ACRV1: variants seen among roughly 807,000 people sequenced by gnomAD.
ACRV1 encodes acrosomal protein SP-10.
A neutral mutation model predicts 29.2 loss-of-function variants in ACRV1; 17 were observed. That is an observed-to-expected ratio of 0.58 (90% CI 0.40 to 0.87). The LOEUF (loss-of-function observed/expected upper bound fraction) is 0.87. Among genes scored for constraint, ACRV1 ranks in the 40% least tolerant of loss-of-function variants. ACRV1 has a pLI of 0.00. For synonymous variants in ACRV1, 98 were observed against 111.6 expected (o/e 0.88, Z 0.77); for missense variants, 294 against 316.0 (o/e 0.93, Z 0.53).
At position 125,672,308 on chromosome 11, in the gene ACRV1, A is replaced by G. The variant is rs1389163626; in HGVS notation, c.*285T>C. On this transcript the variant is annotated 3_prime_UTR_variant, in exon 4 of 4. Coordinates refer to ENST00000533904, the MANE Select transcript of ACRV1 (RefSeq NM_001612.6). Reference sequence around the variant, plus strand: ...GACCCTGCAACTAGATTAATGGGGGAAAAAAAGGTCTGTCTTGAGCCTGTG... The same window carrying G: ...GACCCTGCAACTAGATTAATGGGGGGAAAAAAGGTCTGTCTTGAGCCTGTG... 1.1e-5 allele frequency: 3 copies of G among 267,174 alleles called. No individual in the cohort carries two copies. The highest frequency in any genetic ancestry group is 1.6e-4 in the East Asian group (2 of 12,876). The allele number at this position is 267,174 out of a possible 1,614,324, so 16.6% of individuals were successfully genotyped here.
At position 125,678,147 on chromosome 11, in the gene ACRV1, T is replaced by C. The variant is rs1193653504; in HGVS notation, c.203A>G (p.His68Arg). 5 of 1,614,082 alleles carry C rather than the reference T, an allele frequency of 3.1e-6. No homozygotes were observed. The highest frequency in any genetic ancestry group is 4.2e-6 in the Non-Finnish European group (5 of 1,180,050). ...GCTTGAACCATGCTCACTGGAACCATGCTCACTTAAAGTGTTCAGGCCTGA... is the reference window on the plus strand; with the variant it reads ...GCTTGAACCATGCTCACTGGAACCACGCTCACTTAAAGTGTTCAGGCCTGA... The part of the protein sequence containing the change: ...TSSGLNTLSE[H>R]GSSEHGSSKH... Residue 68 changes from histidine (H) to arginine (R), a missense_variant, in exon 2 of 4, where the codon CAT (histidine) becomes CGT (arginine). Transcript: ENST00000533904.
chr11:125,678,042 T>A lies in ACRV1; in HGVS notation c.308A>T (p.His103Leu), dbSNP rs1942610490. The A allele has an allele frequency of 1.9e-6, 3 of 1,614,072 alleles. No individual in the cohort carries two copies. The highest frequency in any genetic ancestry group is 1.6e-4 in the Middle Eastern group (1 of 6,084). ...HASGEPAATE[H>L]AEGEHTVGEQ... ...ACCTACAGTATGCTCACCTTCAGCA[T>A]GTTCAGTCGCAGCGGGCTCACCTGA... The change falls in exon 2 of 4, where the codon CAT becomes CTT. Residue 103 changes from histidine (H) to leucine (L), a missense_variant. By Grantham distance (99) the His-to-Leu change is moderately conservative. Transcript: ENST00000533904.
chr11:125,673,402 C>G (rs4935924), intron 3 of ACRV1, among the ~76,000 whole-genome samples: 16,359 of 151,916 alleles, frequency 0.11, 1,170 homozygotes, highest in Admixed American at 0.23. Context: ...GGGGTTTCAC[C>G]ATGTTGGTCA....
chr11:125,678,978 T>TATATATATATATATATATATATATATATA (rs1555078666), intron 1 of ACRV1, among the ~76,000 whole-genome samples: 3 of 88,436 alleles, frequency 3.4e-5, no homozygotes, highest in African/African-American at 8.7e-5. Flanking sequence ...TCTAGGCATA[T>TATATATATATATATATATATATATATATA]TATATATATA....
At chr11:125,679,968 G>C (rs1942719905) in intron 1 of ACRV1, among the ~76,000 whole-genome samples, 1 of 152,106 alleles carries the variant, frequency 6.6e-6, no homozygotes, top group South Asian at 2.1e-4. Context: ...GATATAGAAA[G>C]GAGACATAAA....
chr11:125,678,978 T>TATATATA (rs1555078666), intron 1 of ACRV1, among the ~76,000 whole-genome samples: 29 of 88,438 alleles, frequency 3.3e-4, no homozygotes, highest in African/African-American at 1.1e-3. Context: ...TCTAGGCATA[T>TATATATA]TATATATATA....
intron 3 of ACRV1, among the ~76,000 whole-genome samples, chr11:125,674,433 C>T (rs1239566995): frequency 6.6e-6 from 1 of 152,144 alleles, no homozygotes; most frequent in South Asian, 2.1e-4. Flanking sequence ...CAGGCTGAAG[C>T]ATAACTGGAG....
intron 1 of ACRV1, among the ~76,000 whole-genome samples, chr11:125,679,929 AAC>A (rs1942718341): frequency 6.6e-6 from 1 of 152,170 alleles, no homozygotes; most frequent in Non-Finnish European, 1.5e-5. Flanking sequence ...TTCAATAATT[AAC>A]ACAAGTTTTG....
intron 1 of ACRV1, 114 bp downstream of exon 1, chr11:125,680,615 T>C: frequency 2.1e-6 from 2 of 941,842 alleles, no homozygotes; most frequent in South Asian, 1.5e-5. Context: ...CTGCTCTTGA[T>C]TCTGACTCAG....
chr11:125,672,670 A>G lies in ACRV1; in HGVS notation c.721T>C (p.Ser241Pro). The G allele has an allele frequency of 6.2e-7, 1 of 1,614,172 alleles. No individual in the cohort carries two copies. Among genetic ancestry groups the G allele is most frequent in the Non-Finnish European group, 8.5e-7 (1 of 1,180,028 alleles). The stretch of plus-strand genomic sequence containing the variant: ...GTTCCATGGGAGAAGAGGTTCATAG[A>G]TGGGCACATGTTCTCACACCCTTGA... The part of the protein sequence containing the change: ...MVQGCENMCP[S>P]MNLFSHGTRM... The change falls in exon 4 of 4, where the codon TCT becomes CCT. Residue 241 changes from serine to proline, a missense_variant. Transcript: ENST00000533904.
At chr11:125,676,882 G>A (rs1215246881) in intron 2 of ACRV1, among the ~76,000 whole-genome samples, 3 of 152,156 alleles carry the variant, frequency 2.0e-5, no homozygotes, top group Admixed American at 6.5e-5. Flanking sequence ...ATATTTGACC[G>A]ATTAATAAGC....
At position 125,676,475 on chromosome 11, in the gene ACRV1, G is replaced by A. The variant is rs201491308; in HGVS notation, c.557C>T (p.Thr186Ile). The A allele has an allele frequency of 6.8e-5, 110 of 1,614,064 alleles. No individual in the cohort carries two copies. In the East Asian group the frequency reaches 2.4e-3, roughly 35 times the overall value. Reference protein sequence around the residue: ...GAPISSTSTGTILNCYTCAYM... With the variant: ...GAPISSTSTGIILNCYTCAYM... ...AGCACATGTGTAGCAATTTAATATTGTGCCTGAAAATTTAAGATAAGCCTG... is the reference window on the plus strand; with the variant it reads ...AGCACATGTGTAGCAATTTAATATTATGCCTGAAAATTTAAGATAAGCCTG... The change falls in exon 3 of 4, where the codon ACA (threonine) becomes ATA (isoleucine). Residue 186 changes from threonine (T) to isoleucine (I), a missense_variant. By Grantham distance (89) the Thr-to-Ile change is moderately conservative. Transcript: ENST00000533904.
chr11:125,675,313 T>C (rs965954638), intron 3 of ACRV1, among the ~76,000 whole-genome samples: 30 of 152,364 alleles, frequency 2.0e-4, no homozygotes, highest in Admixed American at 8.5e-4. Context: ...ATATGTGCCT[T>C]TCTTAAGACA....
intron 3 of ACRV1, among the ~76,000 whole-genome samples, chr11:125,674,099 G>A (rs1030916369): frequency 1.3e-5 from 2 of 151,992 alleles, no homozygotes; most frequent in South Asian, 2.1e-4. Context: ...AGCTGAGATC[G>A]CGCCACTGCA....
At chr11:125,678,420 A>G in intron 1 of ACRV1, 123 bp from the exon 2 acceptor site, 1 of 1,141,316 alleles carries the variant, frequency 8.8e-7, no homozygotes, top group Admixed American at 2.5e-5. Flanking sequence ...TAGATTGGGC[A>G]CCTGAAGACT....
At chr11:125,677,769 G>A in intron 2 of ACRV1, 28 bp downstream of exon 2, 2 of 1,610,422 alleles carry the variant, frequency 1.2e-6, no homozygotes, top group Non-Finnish European at 1.7e-6. Context: ...TGAAGTCAAT[G>A]ACTGGCACCC....
chr11:125,677,338 G>C (rs1591438416), intron 2 of ACRV1, among the ~76,000 whole-genome samples: 1 of 152,164 alleles, frequency 6.6e-6, no homozygotes, highest in Non-Finnish European at 1.5e-5. Context: ...AAAGAAAATA[G>C]CTTTACATTC....
Position 125,676,647 on chromosome 11 carries a change from A to C in ACRV1, c.554-169T>G, listed in dbSNP as rs147435743. Among the ~76,000 whole-genome samples the C allele has an allele frequency of 3.3e-4, 50 of 152,142 alleles. No homozygotes were observed. In the East Asian group the frequency reaches 9.1e-3, roughly 28 times the overall value. ...TGTCTGATAGACCTGTGCCAGAGGA[A>C]ATTCCTTCATTCTTCTTCATCTCTG... On this transcript the variant is annotated intron_variant, in intron 2 of 3. Coordinates refer to ENST00000533904, the MANE Select transcript of ACRV1 (RefSeq NM_001612.6).
Position 125,672,654 on chromosome 11 carries a change from G to C in ACRV1, c.737C>G (p.Ser246Cys). Residue 246 changes from serine to cysteine, a missense_variant, in exon 4 of 4, where the codon TCC (serine) becomes TGC (cysteine). By Grantham distance (112) the Ser-to-Cys change is moderately radical. Coordinates refer to ENST00000533904, the MANE Select transcript of ACRV1 (RefSeq NM_001612.6). The part of the protein sequence containing the change: ...ENMCPSMNLF[S>C]HGTRMQIICC... Reference sequence around the variant, plus strand: ...TATAATTTGCATCCTCGTTCCATGGGAGAAGAGGTTCATAGATGGGCACAT... The same window carrying C: ...TATAATTTGCATCCTCGTTCCATGGCAGAAGAGGTTCATAGATGGGCACAT... 6.2e-7 allele frequency: 1 copy of C among 1,614,160 alleles called. No homozygotes were observed. Among genetic ancestry groups the C allele is most frequent in the Non-Finnish European group, 8.5e-7 (1 of 1,180,014 alleles).
Sources: gnomAD v4.1 joint callset for allele counts (sites outside exome capture counted in the v4.1 genomes callset) on GRCh38, gnomAD v4.1.1 for gene constraint, MANE v1.5 for transcripts, NCBI Gene and HGNC (gene_info 2026-07-23, HGNC 2026-07-21) for gene names.